Variants in GRIN2A observed in about 807,000 individuals in gnomAD.
GRIN2A encodes the protein glutamate receptor ionotropic, NMDA 2A.
GRIN2A carries 22 observed loss-of-function variants against 113.4 expected under a neutral mutation model. The observed-to-expected ratio is 0.19, with a 90% CI of 0.14 to 0.28. The LOEUF (loss-of-function observed/expected upper bound fraction) is 0.28, where lower values mean the gene tolerates loss of function less well. Among genes scored for constraint, GRIN2A ranks in the 10% least tolerant of loss-of-function variants. The pLI, the probability that GRIN2A is intolerant of heterozygous loss-of-function variation, is 1.00. For synonymous variants in GRIN2A, 827 were observed against 738.4 expected (o/e 1.12, Z -1.94); for missense variants, 1,502 against 1,887.0 (o/e 0.80, Z 3.78).
intron 2 of GRIN2A, among the ~76,000 whole-genome samples, chr16:10,015,087 C>G (rs2046577261): frequency 6.6e-6 from 1 of 151,486 alleles, no homozygotes. Flanking sequence ...AATCTCATCT[C>G]TACTAAAAGT....
intron 2 of GRIN2A, among the ~76,000 whole-genome samples, chr16:10,139,762 G>A (rs530746958): frequency 6.6e-6 from 1 of 152,336 alleles, no homozygotes; most frequent in South Asian, 2.1e-4. Flanking sequence ...AGAGGTTTAG[G>A]AAACACTGAT....
rs774563262 is a variant in GRIN2A at position 9,840,807 on chromosome 16, G to A, written c.1498-7C>T. ...CTGCCCGTTGATAGACCACCTGGAT[G>A]CAAGGCAAAAAAAAAAAAAAAAAAA... is the stretch of plus-strand genomic sequence containing the variant. On this transcript the variant is annotated splice_region_variant and splice_polypyrimidine_tract_variant and intron_variant, in intron 6 of 12. Transcript: ENST00000330684. The A allele has an allele frequency of 2.1e-6, 3 of 1,434,678 alleles. No homozygotes were observed. The highest frequency in any genetic ancestry group is 2.8e-6 in the Non-Finnish European group (3 of 1,055,680). 88.9% of individuals were successfully genotyped at this position (1,434,678 alleles called of 1,614,324 possible). A position where few individuals can be genotyped will look rare whatever the true frequency, so the allele number is the denominator to read the frequency against.
intron 2 of GRIN2A, among the ~76,000 whole-genome samples, chr16:10,116,753 C>T (rs1359347009): frequency 6.6e-6 from 1 of 152,172 alleles, no homozygotes; most frequent in Non-Finnish European, 1.5e-5. Context: ...TAGGACACAC[C>T]TCATTACTGT....
intron 10 of GRIN2A, 46 bp downstream of exon 10, chr16:9,822,217 GT>G: frequency 1.3e-6 from 2 of 1,597,930 alleles, no homozygotes; most frequent in Non-Finnish European, 1.7e-6. Flanking sequence ...TTTCTGTAAG[GT>G]TTATCGCTCG....
chr16:10,173,913 G>T lies in GRIN2A; in HGVS notation c.414+6085C>A, dbSNP rs961157802. Among the ~76,000 whole-genome samples the T allele has an allele frequency of 5.9e-5, 9 of 152,270 alleles. 1 individual carries two copies. The highest frequency in any genetic ancestry group is 4.6e-4 in the Admixed American group (7 of 15,302). ...ACACACTCAGTAACCTTCCTTTTCT[G>T]CTCCTAAGACATAGAATTTTTAAAG... On this transcript the variant is annotated intron_variant, in intron 2 of 12. Coordinates refer to ENST00000330684, the MANE Select transcript of GRIN2A (RefSeq NM_001134407.3).
intron 2 of GRIN2A, among the ~76,000 whole-genome samples, chr16:10,012,823 G>C (rs1395527934): frequency 6.6e-6 from 1 of 152,168 alleles, no homozygotes; most frequent in African/African-American, 2.4e-5. Flanking sequence ...CTAACACCTT[G>C]ATTTTAGCTC....
rs556382275 is a variant in GRIN2A at position 9,921,705 on chromosome 16, A to G, written c.1007+16254T>C. 2.6e-5 allele frequency among the ~76,000 whole-genome samples: 4 copies of G among 152,352 alleles called. No homozygotes were observed. In the South Asian group the frequency reaches 8.3e-4, roughly 32 times the overall value. On this transcript the variant is annotated intron_variant, in intron 3 of 12. Transcript: ENST00000330684. ...ACTATGCTGGGTGCTGGTGCACAAA[A>G]GTAAAATGGACAAGGTTCCTGGAAT...
At chr16:10,123,035 T>C (rs1454165376) in intron 2 of GRIN2A, among the ~76,000 whole-genome samples, 1 of 152,256 alleles carries the variant, frequency 6.6e-6, no homozygotes, top group Non-Finnish European at 1.5e-5. Flanking sequence ...GTCCAGTGAC[T>C]ATGATCAAAT....
chr16:9,846,604 A>T (rs1384668119), intron 5 of GRIN2A, among the ~76,000 whole-genome samples: 1 of 152,174 alleles, frequency 6.6e-6, no homozygotes, highest in African/African-American at 2.4e-5. Context: ...CTGAGGGTGC[A>T]AATATTAATA....
intron 3 of GRIN2A, among the ~76,000 whole-genome samples, chr16:9,927,745 C>A (rs1048913237): frequency 1.3e-5 from 2 of 152,150 alleles, no homozygotes; most frequent in East Asian, 3.8e-4. Flanking sequence ...ATAATATAAC[C>A]TATGAAACTT....
At chr16:9,832,014 G>A (rs990718956) in intron 8 of GRIN2A, among the ~76,000 whole-genome samples, 1 of 151,988 alleles carries the variant, frequency 6.6e-6, no homozygotes. Flanking sequence ...AACCTCCTGG[G>A]CTCAAGTAAT....
intron 10 of GRIN2A, among the ~76,000 whole-genome samples, chr16:9,798,922 C>T (rs572833569): frequency 6.4e-4 from 98 of 152,272 alleles, no homozygotes; most frequent in Non-Finnish European, 1.0e-3. Flanking sequence ...ATTTATCATA[C>T]AGAAATTATT....
chr16:10,000,153 T>C (rs1284548183), intron 2 of GRIN2A, among the ~76,000 whole-genome samples: 2 of 152,134 alleles, frequency 1.3e-5, no homozygotes, highest in South Asian at 2.1e-4. Flanking sequence ...ACCTGAATAG[T>C]CCAGGATAAT....
intron 2 of GRIN2A, among the ~76,000 whole-genome samples, chr16:9,961,152 G>C (rs1358222347): frequency 1.3e-5 from 2 of 152,150 alleles, no homozygotes; most frequent in East Asian, 3.8e-4. Context: ...TTTACTTAAT[G>C]GCTCTTTATT....
At chr16:10,179,767 C>T (rs2050221239) in intron 2 of GRIN2A, 1 of 576,614 alleles carries the variant, frequency 1.7e-6, no homozygotes, top group African/African-American at 1.9e-5. Context: ...ACACACACAC[C>T]AAAGTGCTCC....
At chr16:10,130,511 GGAC>G (rs1210056002) in intron 2 of GRIN2A, among the ~76,000 whole-genome samples, 29 of 152,078 alleles carry the variant, frequency 1.9e-4, no homozygotes, top group African/African-American at 6.3e-4. Flanking sequence ...ATGGAGCTCC[GGAC>G]ACAGACCCAT....
intron 3 of GRIN2A, among the ~76,000 whole-genome samples, chr16:9,900,099 A>C (rs2043890338): frequency 6.6e-6 from 1 of 152,234 alleles, no homozygotes; most frequent in South Asian, 2.1e-4. Flanking sequence ...GGTGTCTGCT[A>C]AACTATGGTA....
intron 10 of GRIN2A, among the ~76,000 whole-genome samples, chr16:9,810,819 C>T (rs377115872): frequency 6.6e-6 from 1 of 152,172 alleles, no homozygotes. Flanking sequence ...CTGGGGACAC[C>T]TGAAGGTGCA....
intron 2 of GRIN2A, among the ~76,000 whole-genome samples, chr16:10,072,325 A>C (rs2047769795): frequency 6.6e-6 from 1 of 152,228 alleles, no homozygotes; most frequent in Non-Finnish European, 1.5e-5. Context: ...ATAAGAGTGA[A>C]GCATCAACTT....
Sources: allele counts gnomAD v4.1 joint callset (sites outside exome capture counted in the v4.1 genomes callset), GRCh38; gene constraint gnomAD v4.1.1; transcripts MANE v1.5; gene names NCBI Gene and HGNC (gene_info 2026-07-23, HGNC 2026-07-21).